Variants in TMEM178B observed in about 807,000 individuals in gnomAD.
TMEM178B encodes transmembrane protein 178B.
Under a neutral mutation model 31.0 loss-of-function variants are expected in TMEM178B, and 5 were observed. That is an observed-to-expected ratio of 0.16 (90% CI 0.08 to 0.34). TMEM178B has a LOEUF of 0.34. TMEM178B is among the 10% of genes least tolerant of loss of function. The pLI is 1.00. For missense variants in TMEM178B, 275 were observed against 400.3 expected (o/e 0.69, Z 2.67); for synonymous variants, 164 against 164.0 (o/e 1.00, Z 0.00).
At chr7:141,350,348 G>T (rs1310229909) in intron 2 of TMEM178B, among the ~76,000 whole-genome samples, 1 of 151,876 alleles carries the variant, frequency 6.6e-6, no homozygotes, top group Non-Finnish European at 1.5e-5. Context: ...ATCACTCCTG[G>T]CATCGTAACA....
rs1300206262 is a variant in TMEM178B, at chr7:141,180,462, T to C, written c.383-32129T>C. 2.4e-4 allele frequency among the ~76,000 whole-genome samples: 6 copies of C among 24,608 alleles called. No individual in the cohort carries two copies. The East Asian group carries it at 3.7e-3, about 15-fold the overall frequency. The allele number at this position is 24,608 out of a possible 152,430, so 16.1% of individuals were successfully genotyped here. ...GAGAGAGACAGAGAGAGAGCCCATC[T>C]CAAAAAAAAAAAAAAAAAAAAGAAA... On this transcript the variant is annotated intron_variant, in intron 1 of 3. Coordinates refer to ENST00000565468, the MANE Select transcript of TMEM178B (RefSeq NM_001195278.2).
At chr7:141,441,529 G>A (rs1801659027) in intron 3 of TMEM178B, among the ~76,000 whole-genome samples, 1 of 152,192 alleles carries the variant, frequency 6.6e-6, no homozygotes, top group South Asian at 2.1e-4. Flanking sequence ...AGCACCGACA[G>A]GAGCCTGAGG....
intron 2 of TMEM178B, among the ~76,000 whole-genome samples, chr7:141,251,820 G>A (rs376049281): frequency 2.2e-4 from 34 of 152,176 alleles, no homozygotes; most frequent in Non-Finnish European, 4.1e-4. Context: ...CTCTTGGGTC[G>A]TATCCCCATG....
chr7:141,129,476 C>T (rs1795559764), intron 1 of TMEM178B, among the ~76,000 whole-genome samples: 1 of 152,198 alleles, frequency 6.6e-6, no homozygotes, highest in African/African-American at 2.4e-5. Context: ...CACCAGCACT[C>T]AGATCAAGAT....
chr7:141,330,987 T>C (rs983495342), intron 2 of TMEM178B, among the ~76,000 whole-genome samples: 2 of 152,216 alleles, frequency 1.3e-5, no homozygotes, highest in Admixed American at 1.3e-4. Flanking sequence ...AAGTCAAGCA[T>C]GCCTCCAAGC....
At chr7:141,375,869 C>T (rs983822835) in intron 2 of TMEM178B, among the ~76,000 whole-genome samples, 1 of 152,106 alleles carries the variant, frequency 6.6e-6, no homozygotes, top group Non-Finnish European at 1.5e-5. Flanking sequence ...GAGGGCAAGC[C>T]TTGGGTGAAC....
In TMEM178B at chr7:141,181,497, A is replaced by G. The variant is rs995583873; in HGVS notation, c.383-31094A>G. ...AGGCTGACTGTCTCATAAAGGGCTC[A>G]GTGTAGGCTGGCTTCCCACAGAGGG... On this transcript the variant is annotated intron_variant, in intron 1 of 3. Coordinates refer to ENST00000565468, the MANE Select transcript of TMEM178B (RefSeq NM_001195278.2). 2.0e-5 allele frequency among the ~76,000 whole-genome samples: 3 copies of G among 152,214 alleles called. No individual in the cohort carries two copies. In the South Asian group the frequency reaches 6.2e-4, roughly 32 times the overall value.
At chr7:141,440,086 C>A (rs1801629962) in intron 3 of TMEM178B, among the ~76,000 whole-genome samples, 1 of 152,254 alleles carries the variant, frequency 6.6e-6, no homozygotes, top group Admixed American at 6.5e-5. Flanking sequence ...TCCCACTTAA[C>A]TGAGACCTTG....
chr7:141,303,165 T>C (rs757690505), intron 2 of TMEM178B, among the ~76,000 whole-genome samples: 1 of 152,130 alleles, frequency 6.6e-6, no homozygotes, highest in Non-Finnish European at 1.5e-5. Context: ...TGTGCATCGT[T>C]GTGGGGATGT....
intron 3 of TMEM178B, among the ~76,000 whole-genome samples, chr7:141,447,400 C>T (rs1801779449): frequency 6.6e-6 from 1 of 151,908 alleles, no homozygotes; most frequent in Admixed American, 6.6e-5. Context: ...TGGGAGAGGA[C>T]TGAGCCTGTT....
chr7:141,112,924 A>T (rs1441460741), intron 1 of TMEM178B, among the ~76,000 whole-genome samples: 1 of 152,224 alleles, frequency 6.6e-6, no homozygotes, highest in Non-Finnish European at 1.5e-5. Flanking sequence ...GGGAAGAGGT[A>T]TAAAAGGAAG....
At chr7:141,361,065 C>T (rs1327572294) in intron 2 of TMEM178B, among the ~76,000 whole-genome samples, 1 of 152,140 alleles carries the variant, frequency 6.6e-6, no homozygotes, top group Non-Finnish European at 1.5e-5. Context: ...AAGCATTAAG[C>T]CAGGAAAGGT....
At chr7:141,407,452 T>C (rs528962569) in intron 2 of TMEM178B, among the ~76,000 whole-genome samples, 2 of 152,342 alleles carry the variant, frequency 1.3e-5, no homozygotes, top group South Asian at 4.1e-4. Context: ...GGAATGAAAA[T>C]AGCACCATGA....
At chr7:141,084,456 A>G (rs1586759050) in intron 1 of TMEM178B, among the ~76,000 whole-genome samples, 1 of 152,184 alleles carries the variant, frequency 6.6e-6, no homozygotes, top group Admixed American at 6.5e-5. Context: ...TCATGGAGCT[A>G]AAAAGTGAGG....
intron 2 of TMEM178B, among the ~76,000 whole-genome samples, chr7:141,354,623 T>C (rs1296045578): frequency 6.6e-6 from 1 of 152,230 alleles, no homozygotes; most frequent in Non-Finnish European, 1.5e-5. Flanking sequence ...TATTCAACCA[T>C]ATTCCTCTAT....
chr7:141,200,681 T>G (rs1210745932), intron 1 of TMEM178B, among the ~76,000 whole-genome samples: 1 of 152,186 alleles, frequency 6.6e-6, no homozygotes, highest in Admixed American at 6.5e-5. Flanking sequence ...CCTTTTTGGA[T>G]ACGGTTCTTA....
At position 141,468,687 on chromosome 7, in the gene TMEM178B, A is replaced by G. The variant is rs115215734; in HGVS notation, c.635-1849A>G. Among the ~76,000 whole-genome samples, 1,262 of 152,222 alleles carry G rather than the reference A, an allele frequency of 8.3e-3. 16 individuals carry two copies. Among genetic ancestry groups the G allele is most frequent in the African/African-American group, 0.029 (1,195 of 41,554 alleles). The stretch of plus-strand genomic sequence containing the variant: ...CTGGGGTAATTATCCGACATTTGTC[A>G]TCTCACGCCAGGGAACTCGAGGACA... On this transcript the variant is annotated intron_variant, in intron 3 of 3. Transcript: ENST00000565468.
intron 2 of TMEM178B, among the ~76,000 whole-genome samples, chr7:141,387,282 C>T (rs1028308820): frequency 6.6e-6 from 1 of 152,178 alleles, no homozygotes; most frequent in African/African-American, 2.4e-5. Flanking sequence ...AGGCTAAACA[C>T]TTTACATGCA....
chr7:141,287,909 CCTT>C (rs1409643192), intron 2 of TMEM178B, among the ~76,000 whole-genome samples: 9 of 152,180 alleles, frequency 5.9e-5, no homozygotes, highest in Non-Finnish European at 1.0e-4. Context: ...AAGAGTTTTG[CCTT>C]CTTATTGCCA....
Sources: gnomAD v4.1 joint callset for allele counts (sites outside exome capture counted in the v4.1 genomes callset) on GRCh38, gnomAD v4.1.1 for gene constraint, MANE v1.5 for transcripts, NCBI Gene and HGNC (gene_info 2026-07-23, HGNC 2026-07-21) for gene names.